ARIH1: variants seen among roughly 807,000 people sequenced by gnomAD.
ARIH1 encodes the protein ariadne RBR E3 ubiquitin protein ligase 1, also known as E3 ubiquitin-protein ligase ARIH1.
Under a neutral mutation model 85.0 loss-of-function variants are expected in ARIH1, and 8 were observed. The ratio of observed to expected loss-of-function variants is 0.09; its 90% CI spans 0.06 to 0.17. ARIH1 has a LOEUF of 0.17. Ranked by LOEUF, ARIH1 falls within the 10% of genes least tolerant of loss-of-function variation. ARIH1 has a pLI of 1.00. For missense variants in ARIH1, 311 were observed against 718.1 expected (o/e 0.43, Z 6.48); for synonymous variants, 238 against 253.6 (o/e 0.94, Z 0.59).
Position 72,599,717 on chromosome 15 carries a change from C to T in ARIH1, c.*16425C>T, listed in dbSNP as rs942749679. The T allele has an allele frequency of 6.6e-6, 1 of 152,140 alleles. No individual in the cohort carries two copies. Among genetic ancestry groups the T allele is most frequent in the African/African-American group, 2.4e-5 (1 of 41,424 alleles). The allele number at this position is 152,140 out of a possible 1,614,324, so 9.4% of individuals were successfully genotyped here. ...TTGTTTTATGTAACTATTTTAACAA[C>T]CTGAGGACTTTTACAGGCTGCATAA... On this transcript the variant is annotated 3_prime_UTR_variant, in exon 14 of 14. Coordinates refer to ENST00000379887, the MANE Select transcript of ARIH1 (RefSeq NM_005744.5).
chr15:72,530,980 G>T (rs986325391), intron 2 of ARIH1, among the ~76,000 whole-genome samples: 2 of 152,186 alleles, frequency 1.3e-5, no homozygotes, highest in Non-Finnish European at 2.9e-5. Context: ...TGAGAATTTT[G>T]CAGATTGGTA....
chr15:72,503,463 T>C lies in ARIH1; in HGVS notation c.376-14604T>C, dbSNP rs542232518. ...TGCCATGTGTTCTTGGATTTAGTGG[T>C]CCCATTGGTAGCTTCTTATGATTTC... On this transcript the variant is annotated intron_variant, in intron 1 of 13. Transcript: ENST00000379887. 3.3e-5 allele frequency among the ~76,000 whole-genome samples: 5 copies of C among 152,290 alleles called. No individual in the cohort carries two copies. In the South Asian group the frequency reaches 8.3e-4, roughly 25 times the overall value.
intron 1 of ARIH1, among the ~76,000 whole-genome samples, chr15:72,493,179 CTTCTCATGATAGCGA>C (rs2063866219): frequency 6.6e-6 from 1 of 152,132 alleles, no homozygotes; most frequent in Non-Finnish European, 1.5e-5. Flanking sequence ...GGTTCTAACC[CTTCTCATGATAGCGA>C]TTCTATAATT....
rs915336505 is a variant in ARIH1 at position 72,517,998 on chromosome 15, C to G, written c.376-69C>G. The stretch of plus-strand genomic sequence containing the variant: ...AGTATTGTGGAAATTTAACTTCAAC[C>G]TAGGAGTTCACTAAATGTCCATGAA... On this transcript the variant is annotated intron_variant, in intron 1 of 13. Coordinates refer to ENST00000379887, the MANE Select transcript of ARIH1 (RefSeq NM_005744.5). 3.6e-5 allele frequency: 43 copies of G among 1,192,518 alleles called. No individual in the cohort carries two copies. The African/African-American group carries it at 4.1e-4, about 11-fold the overall frequency. 73.9% of individuals were successfully genotyped at this position (1,192,518 alleles called of 1,614,324 possible).
rs560391770 is a variant in ARIH1, at chr15:72,589,162, A to C, written c.*5870A>C. 1.3e-5 allele frequency: 2 copies of C among 152,292 alleles called. No individual in the cohort carries two copies. The highest frequency in any genetic ancestry group is 4.8e-5 in the African/African-American group (2 of 41,558). The allele number at this position is 152,292 out of a possible 1,614,324, so 9.4% of individuals were successfully genotyped here. A position where few individuals can be genotyped will look rare whatever the true frequency, so the allele number is the denominator to read the frequency against. On this transcript the variant is annotated 3_prime_UTR_variant, in exon 14 of 14. Coordinates refer to ENST00000379887, the MANE Select transcript of ARIH1 (RefSeq NM_005744.5). Reference sequence around the variant, plus strand: ...ATCTTCCAAGCAGCCCTAAAGCAAAATGGGCATTGTTACCCTATTTTTATG... The same window carrying C: ...ATCTTCCAAGCAGCCCTAAAGCAAACTGGGCATTGTTACCCTATTTTTATG...
In ARIH1 at chr15:72,529,678, T is replaced by G. The variant is rs546522177; in HGVS notation, c.443+11544T>G. ...ATTTTTGACCTAGGTGGGAAAGGAT[T>G]TAGTAATGAGGTGTGGCATTTGATT... On this transcript the variant is annotated intron_variant, in intron 2 of 13. Coordinates refer to ENST00000379887, the MANE Select transcript of ARIH1 (RefSeq NM_005744.5). Among the ~76,000 whole-genome samples, 22 of 152,232 alleles carry G rather than the reference T, an allele frequency of 1.4e-4. No individual in the cohort carries two copies. The South Asian group carries it at 4.4e-3, about 30-fold the overall frequency.
intron 2 of ARIH1, among the ~76,000 whole-genome samples, chr15:72,544,311 A>T (rs1188824537): frequency 6.6e-6 from 1 of 152,170 alleles, no homozygotes; most frequent in Non-Finnish European, 1.5e-5. Flanking sequence ...TACTGAAGCT[A>T]ATATGTTTAA....
intron 2 of ARIH1, among the ~76,000 whole-genome samples, chr15:72,535,851 T>C (rs1005258147): frequency 2.0e-5 from 3 of 152,202 alleles, no homozygotes; most frequent in African/African-American, 7.2e-5. Context: ...GTAAAAATAG[T>C]TTTTTAAAAA....
chr15:72,492,730 T>A (rs1183912098), intron 1 of ARIH1, among the ~76,000 whole-genome samples: 1 of 152,190 alleles, frequency 6.6e-6, no homozygotes, highest in Non-Finnish European at 1.5e-5. Context: ...ATTAATATAA[T>A]AGCTGGGTCC....
chr15:72,474,634 C>G lies in ARIH1; in HGVS notation c.-6C>G. 1 of 1,517,354 alleles carries G rather than the reference C, an allele frequency of 6.6e-7. No homozygotes were observed. Among genetic ancestry groups the G allele is most frequent in the East Asian group, 2.7e-5 (1 of 36,402 alleles). 94.0% of individuals were successfully genotyped at this position (1,517,354 alleles called of 1,614,324 possible). A position where few individuals can be genotyped will look rare whatever the true frequency, so the allele number is the denominator to read the frequency against. Reference sequence around the variant, plus strand: ...CAGCGTCCGCCGGGCCCCCGCGCGTCGCGCCATGGACTCGGACGAGGGCTA... The same window carrying G: ...CAGCGTCCGCCGGGCCCCCGCGCGTGGCGCCATGGACTCGGACGAGGGCTA... On this transcript the variant is annotated 5_prime_UTR_variant, in exon 1 of 14. Coordinates refer to ENST00000379887, the MANE Select transcript of ARIH1 (RefSeq NM_005744.5).
intron 1 of ARIH1, among the ~76,000 whole-genome samples, chr15:72,489,701 C>G (rs781768189): frequency 2.6e-5 from 4 of 152,180 alleles, no homozygotes; most frequent in Non-Finnish European, 4.4e-5. Context: ...GTTTCTGTTT[C>G]TGGACCTACC....
intron 1 of ARIH1, among the ~76,000 whole-genome samples, chr15:72,479,683 G>T (rs377735892): frequency 1.3e-5 from 2 of 152,146 alleles, no homozygotes; most frequent in East Asian, 1.9e-4. Context: ...TGGGATTACA[G>T]GCGTGAGCCA....
intron 3 of ARIH1, among the ~76,000 whole-genome samples, chr15:72,554,897 G>C (rs2064168373): frequency 6.6e-6 from 1 of 152,132 alleles, no homozygotes; most frequent in African/African-American, 2.4e-5. Flanking sequence ...GGGACTACAG[G>C]CGTGCGTCAT....
chr15:72,509,236 T>G (rs1211228180), intron 1 of ARIH1, among the ~76,000 whole-genome samples: 2 of 151,728 alleles, frequency 1.3e-5, no homozygotes, highest in East Asian at 1.9e-4. Flanking sequence ...AGTGATCACC[T>G]GCCTCGGTCT....
At chr15:72,501,466 G>A (rs1433847857) in intron 1 of ARIH1, among the ~76,000 whole-genome samples, 1 of 152,168 alleles carries the variant, frequency 6.6e-6, no homozygotes, top group African/African-American at 2.4e-5. Context: ...AGTGTTTTGA[G>A]TTGCACGGTT....
At chr15:72,492,211 A>G (rs2063862259) in intron 1 of ARIH1, among the ~76,000 whole-genome samples, 1 of 152,210 alleles carries the variant, frequency 6.6e-6, no homozygotes, top group African/African-American at 2.4e-5. Context: ...GACCAAAGTA[A>G]TAGAATACAT....
chr15:72,516,739 T>C (rs2140410227), intron 1 of ARIH1, among the ~76,000 whole-genome samples: 1 of 152,348 alleles, frequency 6.6e-6, no homozygotes, highest in East Asian at 1.9e-4. Context: ...AATGGTACTG[T>C]CGAAAACAAT....
chr15:72,502,444 T>C (rs2063907753), intron 1 of ARIH1, among the ~76,000 whole-genome samples: 1 of 152,238 alleles, frequency 6.6e-6, no homozygotes, highest in South Asian at 2.1e-4. Flanking sequence ...CAAATTGTTA[T>C]GTATTTATAG....
intron 7 of ARIH1, among the ~76,000 whole-genome samples, chr15:72,564,684 C>A (rs2064211630): frequency 6.6e-6 from 1 of 152,164 alleles, no homozygotes. Flanking sequence ...TGGGCGGCTT[C>A]TAAACAACAT....
Sources: allele counts gnomAD v4.1 joint callset (sites outside exome capture counted in the v4.1 genomes callset), GRCh38; gene constraint gnomAD v4.1.1; transcripts MANE v1.5; gene names NCBI Gene and HGNC (gene_info 2026-07-23, HGNC 2026-07-21).